The following SPECC1 variants were observed in gnomAD, a reference collection of about 807,000 sequenced individuals.
SPECC1 encodes the protein cytospin-B.
In SPECC1, 62 loss-of-function variants were observed where a neutral mutation model predicts 104.1. That is an observed-to-expected ratio of 0.60 (90% CI 0.49 to 0.74). The LOEUF (loss-of-function observed/expected upper bound fraction) is 0.74, where lower values mean the gene tolerates loss of function less well. Among genes scored for constraint, SPECC1 ranks in the 30% least tolerant of loss-of-function variants. SPECC1 has a pLI of 0.00. For missense variants in SPECC1, 1,306 were observed against 1,310.5 expected (o/e 1.00, Z 0.05); for synonymous variants, 513 against 501.6 (o/e 1.02, Z -0.30).
intron 1 of SPECC1, among the ~76,000 whole-genome samples, chr17:20,045,595 G>C (rs1168596693): frequency 6.6e-6 from 1 of 152,148 alleles, no homozygotes; most frequent in Non-Finnish European, 1.5e-5. Flanking sequence ...TATGGTGGCT[G>C]TAATCAGTGG....
intron 2 of SPECC1, among the ~76,000 whole-genome samples, chr17:20,098,153 C>T (rs1387772505): frequency 2.0e-5 from 3 of 152,102 alleles, no homozygotes; most frequent in African/African-American, 4.8e-5. Context: ...TGTCCAAAAC[C>T]GAATCTCAAT....
In SPECC1 at chr17:20,162,812, G is replaced by A. The variant is rs188066657; in HGVS notation, c.284-41521G>A. On this transcript the variant is annotated intron_variant, in intron 3 of 14. Transcript: ENST00000395527. ...GGAGGCCAAGGTGGGCGGATCACCC[G>A]AAGTTGGGAGTTCGAGACCAGCCTG... 1.5e-4 allele frequency among the ~76,000 whole-genome samples: 23 copies of A among 152,310 alleles called. No individual in the cohort carries two copies. The South Asian group carries it at 2.3e-3, about 15-fold the overall frequency.
rs1247190270 is a variant in SPECC1 at position 20,110,499 on chromosome 17, A to T, written c.220A>T (p.Lys74Ter). The T allele has an allele frequency of 6.2e-7, 1 of 1,613,860 alleles. No homozygotes were observed. The highest frequency in any genetic ancestry group is 8.5e-7 in the Non-Finnish European group (1 of 1,179,920). Residue 74 changes from lysine (K) to a stop codon, truncating the protein, a stop_gained, in exon 3 of 15, where the codon AAG (lysine) becomes TAG (stop). Transcript: ENST00000395527. LOFTEE classifies it high-confidence loss of function. ...CGCTGCATCGGGGGTGGTTCGCCTGAAGAAGACCGCCACTGCCGGAGCCAT... is the reference window on the plus strand; with the variant it reads ...CGCTGCATCGGGGGTGGTTCGCCTGTAGAAGACCGCCACTGCCGGAGCCAT... ...STAASGVVRL[K>*]KTATAGAISE...
chr17:20,262,597 G>T (rs532864094), intron 12 of SPECC1, among the ~76,000 whole-genome samples: 3 of 152,180 alleles, frequency 2.0e-5, no homozygotes, highest in East Asian at 3.9e-4. Flanking sequence ...TTTAAAATTG[G>T]CAATTCCTAC....
chr17:20,253,287 G>A (rs1469238074), intron 9 of SPECC1, among the ~76,000 whole-genome samples: 1 of 152,146 alleles, frequency 6.6e-6, no homozygotes, highest in African/African-American at 2.4e-5. Context: ...AGGAAAAGGA[G>A]ACTTTCTCTT....
At chr17:20,092,686 G>A (rs1014268328) in intron 1 of SPECC1, among the ~76,000 whole-genome samples, 4 of 152,196 alleles carry the variant, frequency 2.6e-5, no homozygotes, top group Admixed American at 2.6e-4. Flanking sequence ...AACAGTTTTT[G>A]TCGAGAGGGC....
At chr17:20,264,456 G>A (rs2151610195) in intron 12 of SPECC1, among the ~76,000 whole-genome samples, 1 of 107,208 alleles carries the variant, frequency 9.3e-6, no homozygotes, top group East Asian at 3.0e-4. Context: ...TTTGGAGACG[G>A]ATTTTTTTTT....
intron 7 of SPECC1, among the ~76,000 whole-genome samples, chr17:20,240,439 A>ATT (rs1450596640): frequency 6.6e-6 from 1 of 151,796 alleles, no homozygotes; most frequent in Non-Finnish European, 1.5e-5. Flanking sequence ...AAAATTTTAT[A>ATT]TTTTTATGTA....
At chr17:20,256,170 C>T (rs1189030278) in intron 10 of SPECC1, among the ~76,000 whole-genome samples, 1 of 152,178 alleles carries the variant, frequency 6.6e-6, no homozygotes, top group African/African-American at 2.4e-5. Context: ...AGCCACTGCA[C>T]CCGGCCAAAA....
chr17:20,053,586 A>G (rs4925072), intron 1 of SPECC1, among the ~76,000 whole-genome samples: 81,719 of 152,076 alleles, frequency 0.54, 22,468 homozygotes, highest in Middle Eastern at 0.62. Flanking sequence ...CAGATCACTC[A>G]TGCTGAGAGA....
intron 12 of SPECC1, among the ~76,000 whole-genome samples, chr17:20,270,204 A>C (rs913339574): frequency 3.9e-5 from 6 of 152,130 alleles, no homozygotes; most frequent in Non-Finnish European, 8.8e-5. Context: ...ATGGTTGCAC[A>C]ACATTGGGAA....
intron 3 of SPECC1, among the ~76,000 whole-genome samples, chr17:20,168,628 G>GA (rs1202840316): frequency 2.0e-5 from 3 of 152,194 alleles, no homozygotes; most frequent in East Asian, 1.9e-4. Context: ...TAAAAAATGA[G>GA]AAAAAATTAG....
At chr17:20,045,267 C>A (rs918433046) in intron 1 of SPECC1, among the ~76,000 whole-genome samples, 8 of 152,178 alleles carry the variant, frequency 5.3e-5, no homozygotes, top group Admixed American at 3.3e-4. Flanking sequence ...TGTGGACATC[C>A]ATATCACTCT....
At chr17:20,049,235 G>A (rs972742988) in intron 1 of SPECC1, among the ~76,000 whole-genome samples, 1 of 152,152 alleles carries the variant, frequency 6.6e-6, no homozygotes, top group Non-Finnish European at 1.5e-5. Context: ...GATGTTTGAA[G>A]TTTTTCAAAT....
intron 4 of SPECC1, among the ~76,000 whole-genome samples, chr17:20,216,172 A>G (rs186501159): frequency 2.6e-4 from 40 of 152,240 alleles, no homozygotes; most frequent in Middle Eastern, 6.8e-3. Context: ...CATCACAAAC[A>G]GTTGTTTACC....
At chr17:20,181,948 T>G (rs1171162955) in intron 3 of SPECC1, among the ~76,000 whole-genome samples, 8 of 152,118 alleles carry the variant, frequency 5.3e-5, no homozygotes, top group African/African-American at 1.9e-4. Context: ...CCAAGTAGCC[T>G]GCTTAAGAGA....
chr17:20,206,182 C>T (rs1220918532), intron 4 of SPECC1, among the ~76,000 whole-genome samples: 1 of 152,162 alleles, frequency 6.6e-6, no homozygotes, highest in African/African-American at 2.4e-5. Context: ...GAATATCATA[C>T]AGCCTATGCC....
At chr17:20,150,988 C>T (rs1181658346) in intron 3 of SPECC1, among the ~76,000 whole-genome samples, 3 of 152,064 alleles carry the variant, frequency 2.0e-5, no homozygotes, top group African/African-American at 4.8e-5. Flanking sequence ...TATAAGGGAT[C>T]TTTATATTCA....
At chr17:20,267,080 T>C (rs2040241421) in intron 12 of SPECC1, among the ~76,000 whole-genome samples, 1 of 152,158 alleles carries the variant, frequency 6.6e-6, no homozygotes, top group African/African-American at 2.4e-5. Flanking sequence ...AGTGAAAGGA[T>C]GTGAGTTTGC....
Sources: allele counts gnomAD v4.1 joint callset (sites outside exome capture counted in the v4.1 genomes callset), GRCh38; gene constraint gnomAD v4.1.1; transcripts MANE v1.5; gene names NCBI Gene and HGNC (gene_info 2026-07-23, HGNC 2026-07-21).